Variants in TBC1D32 observed in about 807,000 individuals in gnomAD.
TBC1D32 encodes the protein TBC1 domain family member 32.
A neutral mutation model predicts 170.3 loss-of-function variants in TBC1D32; 151 were observed. The observed-to-expected ratio is 0.89, with a 90% CI of 0.78 to 1.01. The LOEUF (loss-of-function observed/expected upper bound fraction) is 1.01. TBC1D32 is among the 50% of genes least tolerant of loss of function. The probability of loss-of-function intolerance (pLI) is 0.00; values close to 1 mark genes in which losing one functional copy is unlikely to be tolerated. For missense variants in TBC1D32, 1,464 were observed against 1,457.1 expected, an observed-to-expected ratio of 1.00 and a Z score of -0.08; for synonymous variants, 498 against 488.0, an observed-to-expected ratio of 1.02 and a Z score of -0.27.
At chr6:121,089,326 G>A (rs988374298) in intron 31 of TBC1D32, among the ~76,000 whole-genome samples, 1 of 152,046 alleles carries the variant, frequency 6.6e-6, no homozygotes, top group Non-Finnish European at 1.5e-5. Context: ...TTCGGATGGT[G>A]ATAAAAACTG....
intron 1 of TBC1D32, among the ~76,000 whole-genome samples, chr6:121,326,000 G>A (rs1342459557): frequency 6.6e-6 from 1 of 152,090 alleles, no homozygotes; most frequent in East Asian, 1.9e-4. Flanking sequence ...CATTTACGCA[G>A]CCAACAAACA....
intron 22 of TBC1D32, among the ~76,000 whole-genome samples, chr6:121,176,993 G>C (rs1187750160): frequency 6.6e-6 from 1 of 152,074 alleles, no homozygotes; most frequent in African/African-American, 2.4e-5. Flanking sequence ...AAGGTGTTCT[G>C]GTGATGCTAC....
chr6:121,140,131 T>C (rs1208748889), intron 24 of TBC1D32, among the ~76,000 whole-genome samples: 2 of 152,062 alleles, frequency 1.3e-5, no homozygotes, highest in Non-Finnish European at 2.9e-5. Context: ...GAGCATAATA[T>C]GGTTTTCAAG....
At chr6:121,131,007 A>G (rs1010852481) in intron 25 of TBC1D32, among the ~76,000 whole-genome samples, 1 of 152,138 alleles carries the variant, frequency 6.6e-6, no homozygotes, top group South Asian at 2.1e-4. Flanking sequence ...ACTATAAAGC[A>G]TTGCTGATAA....
At chr6:121,270,123 G>A (rs139184657) in intron 15 of TBC1D32, among the ~76,000 whole-genome samples, 4,984 of 151,942 alleles carry the variant, frequency 0.033, 193 homozygotes, top group East Asian at 0.12. Context: ...GTATGCAGAG[G>A]GAAATTTATA....
intron 21 of TBC1D32, among the ~76,000 whole-genome samples, chr6:121,213,479 TAAAA>T (rs1562932916): frequency 0.056 from 188 of 3,328 alleles, 2 homozygotes; most frequent in African/African-American, 0.089. Flanking sequence ...TAAAATAAAA[TAAAA>T]TAAAATAAAA....
intron 1 of TBC1D32, among the ~76,000 whole-genome samples, chr6:121,323,665 G>T (rs921511068): frequency 3.9e-5 from 6 of 152,160 alleles, no homozygotes; most frequent in African/African-American, 1.4e-4. Flanking sequence ...AAACTGGCCG[G>T]GTGCAGTGAC....
chr6:121,130,055 A>G, intron 25 of TBC1D32: 4 of 343,074 alleles, frequency 1.2e-5, no homozygotes, highest in Non-Finnish European at 2.2e-5. Context: ...CTCTTATATA[A>G]GAAGACTTTT....
intron 16 of TBC1D32, 89 bp downstream of exon 16, chr6:121,255,995 A>G (rs1778719988): frequency 8.7e-7 from 1 of 1,148,568 alleles, no homozygotes; most frequent in African/African-American, 1.6e-5. Flanking sequence ...CCCCAGTTAA[A>G]TATTTCATCC....
At chr6:121,288,126 A>G (rs1044409310) in intron 12 of TBC1D32, among the ~76,000 whole-genome samples, 15 of 152,212 alleles carry the variant, frequency 9.9e-5, no homozygotes, top group African/African-American at 3.6e-4. Context: ...TTCAAAAGCT[A>G]GCAGAAGGCA....
chr6:121,209,496 A>C (rs1792774965), intron 21 of TBC1D32, among the ~76,000 whole-genome samples: 1 of 152,040 alleles, frequency 6.6e-6, no homozygotes. Context: ...CCCCTTTCCC[A>C]TCCCTAGCCA....
At chr6:121,085,318 C>CAT (rs2128169907) in intron 31 of TBC1D32, among the ~76,000 whole-genome samples, 2 of 141,032 alleles carry the variant, frequency 1.4e-5, no homozygotes, top group South Asian at 2.2e-4. Context: ...TACATATATA[C>CAT]ACATATATAT....
chr6:121,210,837 A>G (rs1469231057), intron 21 of TBC1D32, among the ~76,000 whole-genome samples: 1 of 152,256 alleles, frequency 6.6e-6, no homozygotes, highest in Non-Finnish European at 1.5e-5. Context: ...AAGACCCGAG[A>G]GTAGCCTCCA....
chr6:121,154,713 T>A (rs1784652431), intron 24 of TBC1D32, among the ~76,000 whole-genome samples: 1 of 151,780 alleles, frequency 6.6e-6, no homozygotes, highest in Non-Finnish European at 1.5e-5. Flanking sequence ...AATTAAAGAG[T>A]TTCTGCACAG....
chr6:121,168,325 A>G (rs1459648178), intron 22 of TBC1D32, among the ~76,000 whole-genome samples: 2 of 141,508 alleles, frequency 1.4e-5, no homozygotes, highest in Non-Finnish European at 3.0e-5. Flanking sequence ...ATGTCCAACA[A>G]TGATAGACTG....
chr6:121,229,000 GATAGTTTTTCCTTTACTTT>G (rs1795387242), intron 20 of TBC1D32, among the ~76,000 whole-genome samples: 1 of 152,000 alleles, frequency 6.6e-6, no homozygotes, highest in African/African-American at 2.4e-5. Flanking sequence ...CTCTTAATCT[GATAGTTTTTCCTTTACTTT>G]ATCTCTGACA....
chr6:121,170,605 G>T, intron 22 of TBC1D32: 1 of 1,010,646 alleles, frequency 9.9e-7, no homozygotes, highest in Non-Finnish European at 1.3e-6. Context: ...ATGTCTCAAA[G>T]TAATACCTGT....
chr6:121,083,482 A>T (rs1775856346), intron 31 of TBC1D32, among the ~76,000 whole-genome samples: 1 of 152,100 alleles, frequency 6.6e-6, no homozygotes, highest in African/African-American at 2.4e-5. Context: ...CCCATTCTAA[A>T]CCACAATGTT....
intron 22 of TBC1D32, among the ~76,000 whole-genome samples, chr6:121,203,976 A>G (rs556681906): frequency 1.3e-5 from 2 of 150,772 alleles, no homozygotes; most frequent in South Asian, 4.1e-4. Context: ...TATTCCATAC[A>G]AGCAAGAAAA....
Sources: gnomAD v4.1 joint callset for allele counts (sites outside exome capture counted in the v4.1 genomes callset) on GRCh38, gnomAD v4.1.1 for gene constraint, MANE v1.5 for transcripts, NCBI Gene and HGNC (gene_info 2026-07-23, HGNC 2026-07-21) for gene names.